CTBP2: variants seen among roughly 807,000 people sequenced by gnomAD.
CTBP2 encodes C-terminal-binding protein 2.
CTBP2 carries 30 observed loss-of-function variants against 80.3 expected under a neutral mutation model. The observed-to-expected ratio is 0.37, with a 90% CI of 0.28 to 0.51. The LOEUF (loss-of-function observed/expected upper bound fraction) is 0.51, where lower values mean the gene tolerates loss of function less well. CTBP2 is among the 20% of genes least tolerant of loss of function. The pLI, the probability that CTBP2 is intolerant of heterozygous loss-of-function variation, is 0.93. For synonymous variants in CTBP2, 594 were observed against 587.4 expected, an observed-to-expected ratio of 1.01 and a Z score of -0.16; for missense variants, 1,212 against 1,375.3, an observed-to-expected ratio of 0.88 and a Z score of 1.88.
At chr10:125,064,276 C>A (rs1564834381) in intron 2 of CTBP2, among the ~76,000 whole-genome samples, 1 of 152,156 alleles carries the variant, frequency 6.6e-6, no homozygotes, top group Non-Finnish European at 1.5e-5. Context: ...GTCCATTAGA[C>A]AACAATGGAT....
At chr10:125,005,100 A>G (rs1160023126) in intron 1 of CTBP2, among the ~76,000 whole-genome samples, 1 of 152,198 alleles carries the variant, frequency 6.6e-6, no homozygotes, top group Non-Finnish European at 1.5e-5. Context: ...CATCCTGTTA[A>G]GACTATACAC....
chr10:125,079,004 G>A (rs116863798), intron 2 of CTBP2, among the ~76,000 whole-genome samples: 9,899 of 150,272 alleles, frequency 0.066, 440 homozygotes, highest in Middle Eastern at 0.15. Flanking sequence ...AAAACGAGCC[G>A]GGCATGGTGA....
intron 4 of CTBP2, chr10:124,997,742 T>C (rs1953824538): frequency 1.7e-6 from 1 of 585,680 alleles, no homozygotes; most frequent in African/African-American, 1.9e-5. Flanking sequence ...CAGACAGCAG[T>C]GGACACGCAT....
At chr10:125,023,572 G>A (rs1957262943) in intron 1 of CTBP2, among the ~76,000 whole-genome samples, 1 of 152,178 alleles carries the variant, frequency 6.6e-6, no homozygotes, top group Non-Finnish European at 1.5e-5. Flanking sequence ...GCCAGGTGCT[G>A]CCACTCACGC....
In CTBP2 at chr10:124,994,690, A is replaced by G; in HGVS notation, c.2186-7T>C. ...ACCGCCTGCCCCGTGCGACCTGTACAGAAACAGAGCGTCCAGGTGAGTGAG... is the reference window on the plus strand; with the variant it reads ...ACCGCCTGCCCCGTGCGACCTGTACGGAAACAGAGCGTCCAGGTGAGTGAG... On this transcript the variant is annotated splice_polypyrimidine_tract_variant and splice_region_variant and intron_variant, in intron 4 of 8. Transcript: ENST00000309035. The G allele has an allele frequency of 6.2e-7, 1 of 1,614,086 alleles. No individual in the cohort carries two copies. The highest frequency in any genetic ancestry group is 8.5e-7 in the Non-Finnish European group (1 of 1,179,932).
chr10:125,016,688 C>T (rs1956530873), intron 1 of CTBP2, among the ~76,000 whole-genome samples: 2 of 152,232 alleles, frequency 1.3e-5, no homozygotes, highest in Non-Finnish European at 2.9e-5. Context: ...GGGCCAAGAG[C>T]GCTGCGCCCA....
intron 1 of CTBP2, among the ~76,000 whole-genome samples, chr10:125,159,631 C>T (rs1485771437): frequency 2.0e-5 from 3 of 150,458 alleles, no homozygotes; most frequent in Non-Finnish European, 4.4e-5. Flanking sequence ...GCGCGGGATC[C>T]CCCGCCGGCA....
intron 1 of CTBP2, among the ~76,000 whole-genome samples, chr10:125,117,973 G>A (rs947834729): frequency 2.0e-5 from 3 of 152,184 alleles, no homozygotes. Flanking sequence ...CTTTGTCAGA[G>A]AGTGTTTATG....
At chr10:125,047,364 T>C (rs1305176868) in intron 2 of CTBP2, among the ~76,000 whole-genome samples, 1 of 152,230 alleles carries the variant, frequency 6.6e-6, no homozygotes, top group Non-Finnish European at 1.5e-5. Context: ...TCTCAAATTT[T>C]AGGCAGACAG....
chr10:124,994,351 C>T, intron 5 of CTBP2, 118 bp downstream of exon 7: 3 of 1,005,332 alleles, frequency 3.0e-6, no homozygotes, highest in Non-Finnish European at 4.5e-6. Context: ...AGGGCCTCTT[C>T]CCTGCTCAAC....
chr10:125,128,073 C>T (rs1287067282), intron 1 of CTBP2, among the ~76,000 whole-genome samples: 2 of 152,168 alleles, frequency 1.3e-5, no homozygotes, highest in African/African-American at 4.8e-5. Flanking sequence ...CTTCCTGAGG[C>T]CCATGAGGCT....
chr10:125,112,966 G>A (rs1326683082), intron 1 of CTBP2, among the ~76,000 whole-genome samples: 2 of 152,056 alleles, frequency 1.3e-5, no homozygotes, highest in East Asian at 1.9e-4. Flanking sequence ...TGAGTCCTCC[G>A]ACAGCCAGCT....
intron 6 of CTBP2, 100 bp from the exon 9 acceptor site, chr10:124,993,429 A>G: frequency 2.3e-6 from 3 of 1,317,952 alleles, no homozygotes; most frequent in Non-Finnish European, 3.1e-6. Context: ...AAAAGTAGCT[A>G]CATAGATAGC....
chr10:125,082,404 C>G (rs1847307629), intron 2 of CTBP2, among the ~76,000 whole-genome samples: 1 of 152,110 alleles, frequency 6.6e-6, no homozygotes, highest in Non-Finnish European at 1.5e-5. Flanking sequence ...GTAACTTCCC[C>G]AAAAAGCTCC....
chr10:125,147,732 A>T (rs1039800986), intron 1 of CTBP2, among the ~76,000 whole-genome samples: 18 of 152,058 alleles, frequency 1.2e-4, no homozygotes, highest in Non-Finnish European at 2.4e-4. Flanking sequence ...CCCCATCTCT[A>T]CAAAAAATAC....
At chr10:125,002,218 GCA>G (rs1954621706) in intron 3 of CTBP2, among the ~76,000 whole-genome samples, 1 of 152,330 alleles carries the variant, frequency 6.6e-6, no homozygotes, top group African/African-American at 2.4e-5. Flanking sequence ...CACAGAGCAA[GCA>G]CAGTGCCCAC....
Position 125,154,729 on chromosome 10 carries a change from G to A in CTBP2, c.-206+5590C>T, listed in dbSNP as rs558468387. ...TATCTACATATTCCACTTAAGGTGA[G>A]GGTTAGAAAGTGAGGGGCCAGGAAT... On this transcript the variant is annotated intron_variant, in intron 1 of 10. Transcript: ENST00000337195. Among the ~76,000 whole-genome samples the A allele has an allele frequency of 4.6e-5, 7 of 152,352 alleles. No homozygotes were observed. The South Asian group carries it at 6.2e-4, about 14-fold the overall frequency.
intron 2 of CTBP2, among the ~76,000 whole-genome samples, chr10:125,080,730 G>C (rs936678203): frequency 2.6e-5 from 4 of 152,120 alleles, no homozygotes; most frequent in Non-Finnish European, 5.9e-5. Context: ...CATCTGGAAG[G>C]GCCAGACTTA....
chr10:125,108,552 G>A (rs750817006), intron 2 of CTBP2, among the ~76,000 whole-genome samples: 51 of 152,348 alleles, frequency 3.3e-4, no homozygotes, highest in Non-Finnish European at 5.1e-4. Context: ...GTTGCTGCAT[G>A]TAGACAGCAG....
Sources: allele counts gnomAD v4.1 joint callset (sites outside exome capture counted in the v4.1 genomes callset), GRCh38; gene constraint gnomAD v4.1.1; transcripts MANE v1.5; gene names NCBI Gene and HGNC (gene_info 2026-07-23, HGNC 2026-07-21).